HHEX: variants seen among roughly 807,000 people sequenced by gnomAD.
HHEX encodes hematopoietically-expressed homeobox protein HHEX.
Under a neutral mutation model 27.0 loss-of-function variants are expected in HHEX, and 8 were observed. The ratio of observed to expected loss-of-function variants is 0.30; its 90% CI spans 0.17 to 0.54. HHEX has a LOEUF of 0.54. HHEX is among the 20% of genes least tolerant of loss of function. The pLI is 0.95. For missense variants in HHEX, 326 were observed against 357.2 expected, an observed-to-expected ratio of 0.91 and a Z score of 0.70; for synonymous variants, 164 against 161.5, an observed-to-expected ratio of 1.02 and a Z score of -0.12.
At chr10:92,693,201 G>A (rs570079121) in intron 3 of HHEX, among the ~76,000 whole-genome samples, 2 of 152,264 alleles carry the variant, frequency 1.3e-5, no homozygotes, top group East Asian at 3.9e-4. Flanking sequence ...CTGTTTTTTA[G>A]AAGAATTAAA....
chr10:92,694,717 T>G lies in HHEX; in HGVS notation c.762T>G (p.Ser254=). ...TTGAATCAGAGATTTCAGAGGATTC[T>G]GATCAGGAAGTGGACATTGAGGGCG... ...EDLESEISED[S]DQEVDIEGDK... Residue 254 remains serine (S), a synonymous_variant, in exon 4 of 4, where the codon TCT becomes TCG. Transcript: ENST00000282728. 6.2e-7 allele frequency: 1 copy of G among 1,614,176 alleles called. No homozygotes were observed. Among genetic ancestry groups the G allele is most frequent in the Non-Finnish European group, 8.5e-7 (1 of 1,180,010 alleles).
rs1295183202 is a variant in HHEX, at chr10:92,692,378, A to G, written c.372A>G (p.Leu124=). Residue 124 remains leucine, a synonymous_variant, in exon 2 of 4, where the codon CTA becomes CTG. Coordinates refer to ENST00000282728, the MANE Select transcript of HHEX (RefSeq NM_002729.5). ...LLRHDPLGKP[L]LWSPFLQRPL... ...TCTTCCCGCTCGCAGGCAAACCTCT[A>G]CTCTGGAGCCCCTTCTTGCAGAGGC... 2 of 1,612,828 alleles carry G rather than the reference A, an allele frequency of 1.2e-6. No homozygotes were observed. The highest frequency in any genetic ancestry group is 1.3e-5 in the African/African-American group (1 of 74,684).
Position 92,690,143 on chromosome 10 carries a change from TCCC to T in HHEX, c.160_162del (p.Pro54del), listed in dbSNP as rs900748318. The stretch of plus-strand genomic sequence containing the variant: ...GCCCACGCCCGCCCCCACGCTGCCG[TCCC>T]CCAACTCCTCCTTCACCAGCCTCGT... On this transcript the variant is annotated inframe_deletion, in exon 1 of 4. Coordinates refer to ENST00000282728, the MANE Select transcript of HHEX (RefSeq NM_002729.5). 1 of 1,547,126 alleles carries T rather than the reference TCCC, an allele frequency of 6.5e-7. No individual in the cohort carries two copies. The highest frequency in any genetic ancestry group is 1.4e-5 in the African/African-American group (1 of 72,392).
intron 3 of HHEX, among the ~76,000 whole-genome samples, chr10:92,693,518 T>C (rs1845376855): frequency 6.6e-6 from 1 of 152,200 alleles, no homozygotes; most frequent in South Asian, 2.1e-4. Context: ...ATAAATACTT[T>C]GAAACAATGA....
In HHEX at chr10:92,694,787, T is replaced by C. The variant is rs1229599660; in HGVS notation, c.*19T>C. 6.4e-7 allele frequency: 1 copy of C among 1,553,830 alleles called. No homozygotes were observed. The highest frequency in any genetic ancestry group is 8.9e-7 in the Non-Finnish European group (1 of 1,126,780). ...TGGATGATGACCACTGGCATTGGCA[T>C]GTTCAGAAAACTGGATTTAGGAATA... On this transcript the variant is annotated 3_prime_UTR_variant, in exon 4 of 4. Transcript: ENST00000282728.
intron 2 of HHEX, 44 bp downstream of exon 2, chr10:92,692,590 G>A: frequency 1.9e-6 from 3 of 1,610,794 alleles, no homozygotes; most frequent in Non-Finnish European, 2.5e-6. Flanking sequence ...GGAAGGGAAG[G>A]CTTCTGGGGT....
chr10:92,694,959 A>G lies in HHEX; in HGVS notation c.*191A>G. On this transcript the variant is annotated 3_prime_UTR_variant, in exon 4 of 4. Transcript: ENST00000282728. ...TGGAGACCTTAATTTTGACTTAACAAATAGTTTATGTACTGCTCTTAGGTT... is the reference window on the plus strand; with the variant it reads ...TGGAGACCTTAATTTTGACTTAACAGATAGTTTATGTACTGCTCTTAGGTT... 1 of 588,256 alleles carries G rather than the reference A, an allele frequency of 1.7e-6. No homozygotes were observed. The highest frequency in any genetic ancestry group is 3.0e-6 in the Non-Finnish European group (1 of 331,720). 36.4% of individuals were successfully genotyped at this position (588,256 alleles called of 1,614,324 possible). A position where few individuals can be genotyped will look rare whatever the true frequency, so the allele number is the denominator to read the frequency against.
Position 92,692,454 on chromosome 10 carries a change from A to G in HHEX, c.448A>G (p.Ile150Val), listed in dbSNP as rs777779960. ...GGTGAGATTCTCCAACGACCAGACC[A>G]TCGAGCTGGAGAAGAAATTCGAGAC... ...GQVRFSNDQT[I>V]ELEKKFETQK... is the part of the protein sequence containing the mutation. Residue 150 changes from isoleucine (I) to valine (V), a missense_variant, in exon 2 of 4, where the codon ATC becomes GTC. Ile to Val is a conservative substitution (Grantham distance 29, BLOSUM62 3). Transcript: ENST00000282728. 1.4e-5 allele frequency: 22 copies of G among 1,613,960 alleles called. No homozygotes were observed. In the Middle Eastern group the frequency reaches 4.9e-4, roughly 36 times the overall value.
At chr10:92,692,832 CA>C in intron 3 of HHEX, 80 bp downstream of exon 3, 1 of 1,179,344 alleles carries the variant, frequency 8.5e-7, no homozygotes, top group Admixed American at 1.7e-5. Flanking sequence ...GGGTTGTATG[CA>C]AAAGTCATTT....
In HHEX at chr10:92,692,495, T is replaced by C. The variant is rs766838272; in HGVS notation, c.489T>C (p.Ser163=). 1 of 1,613,916 alleles carries C rather than the reference T, an allele frequency of 6.2e-7. No homozygotes were observed. The highest frequency in any genetic ancestry group is 8.5e-7 in the Non-Finnish European group (1 of 1,179,952). The change falls in exon 2 of 4, where the codon TCT becomes TCC. Residue 163 remains serine, a synonymous_variant. Coordinates refer to ENST00000282728, the MANE Select transcript of HHEX (RefSeq NM_002729.5). ...EKKFETQKYL[S]PPERKRLAKM... ...AATTCGAGACGCAGAAATATCTCTC[T>C]CCGCCCGAGAGGAAGCGTCTGGCCA... is the stretch of plus-strand genomic sequence containing the variant.
In HHEX at chr10:92,694,638, G is replaced by A. The variant is rs1468837966; in HGVS notation, c.683G>A (p.Gly228Asp). 1.2e-6 allele frequency: 2 copies of A among 1,614,064 alleles called. No individual in the cohort carries two copies. Among genetic ancestry groups the A allele is most frequent in the Non-Finnish European group, 1.7e-6 (2 of 1,179,970 alleles). The change falls in exon 4 of 4, where the codon GGT becomes GAT. Residue 228 changes from glycine to aspartate, a missense_variant. By Grantham distance (94) the Gly-to-Asp change is moderately conservative (BLOSUM62 -1). Transcript: ENST00000282728. The part of the protein sequence containing the change: ...RQDLPSEQNK[G>D]ASLDSSQCSP... Reference sequence around the variant, plus strand: ...GATTTGCCCAGTGAACAGAATAAAGGTGCTTCTTTGGATAGCTCTCAATGT... The same window carrying A: ...GATTTGCCCAGTGAACAGAATAAAGATGCTTCTTTGGATAGCTCTCAATGT...
chr10:92,693,234 T>G (rs903619755), intron 3 of HHEX, among the ~76,000 whole-genome samples: 1 of 152,234 alleles, frequency 6.6e-6, no homozygotes, highest in Non-Finnish European at 1.5e-5. Flanking sequence ...TAAAAATTAT[T>G]TTCTATCTAA....
chr10:92,692,313 G>T, intron 1 of HHEX, 55 bp from the exon 2 acceptor site: 6 of 1,583,286 alleles, frequency 3.8e-6, no homozygotes, highest in Non-Finnish European at 5.2e-6. Flanking sequence ...ACAGCTCTGG[G>T]GTCTGGCCAG....
In HHEX at chr10:92,690,191, G is replaced by C; in HGVS notation, c.205G>C (p.Val69Leu). 1 of 1,571,368 alleles carries C rather than the reference G, an allele frequency of 6.4e-7. No homozygotes were observed. The highest frequency in any genetic ancestry group is 2.4e-5 in the East Asian group (1 of 42,382). Residue 69 changes from valine to leucine, a missense_variant, in exon 1 of 4, where the codon GTG becomes CTG. Val to Leu is a conservative substitution (Grantham distance 32). Around this residue, in one of 4 missense-constraint regions of HHEX, gnomAD observed 215 missense variants for 196.4 expected, o/e 1.09. Coordinates refer to ENST00000282728, the MANE Select transcript of HHEX (RefSeq NM_002729.5). ...CCTCGTGTCCCCCTACCGGACCCCG[G>C]TGTACGAGCCCACGCCGATCCATCC... is the stretch of plus-strand genomic sequence containing the variant. ...TSLVSPYRTP[V>L]YEPTPIHPAF...
Position 92,690,280 on chromosome 10 carries a change from C to A in HHEX, c.294C>A (p.Gly98=). 3.9e-6 allele frequency: 6 copies of A among 1,550,232 alleles called. No homozygotes were observed. Among genetic ancestry groups the A allele is most frequent in the Non-Finnish European group, 4.4e-6 (5 of 1,147,340 alleles). ...CCTACGGACCCGGCGGCTTCGGGGGCCCTCTGTACCCCTTCCCGCGGACGG... is the reference window on the plus strand; with the variant it reads ...CCTACGGACCCGGCGGCTTCGGGGGACCTCTGTACCCCTTCCCGCGGACGG... ...AAAYGPGGFG[G]PLYPFPRTVN... The change falls in exon 1 of 4, where the codon GGC becomes GGA. Residue 98 remains glycine (G), a synonymous_variant. Coordinates refer to ENST00000282728, the MANE Select transcript of HHEX (RefSeq NM_002729.5).
chr10:92,690,598 G>A (rs1845344013), intron 1 of HHEX, among the ~76,000 whole-genome samples: 1 of 152,190 alleles, frequency 6.6e-6, no homozygotes, highest in Non-Finnish European at 1.5e-5. Context: ...GGCGAGGGCA[G>A]CCGTGGACCG....
rs575542303 is a variant in HHEX, at chr10:92,691,305, T to C, written c.361+958T>C. ...CGTGGTCCGCGCTGTGGGTGACCCT[T>C]GGCGCCTTCGAGGTCTGGAGCCCTA... On this transcript the variant is annotated intron_variant, in intron 1 of 3. Transcript: ENST00000282728. 4.0e-4 allele frequency among the ~76,000 whole-genome samples: 61 copies of C among 152,278 alleles called. No homozygotes were observed. The East Asian group carries it at 0.011, about 27-fold the overall frequency.
In HHEX at chr10:92,692,512, G is replaced by A; in HGVS notation, c.506G>A (p.Arg169His). 6.2e-7 allele frequency: 1 copy of A among 1,613,942 alleles called. No individual in the cohort carries two copies. Among genetic ancestry groups the A allele is most frequent in the Non-Finnish European group, 8.5e-7 (1 of 1,179,950 alleles). ...TATCTCTCTCCGCCCGAGAGGAAGC[G>A]TCTGGCCAAGATGCTGCAGCTCAGC... ...QKYLSPPERK[R>H]LAKMLQLSER... The change falls in exon 2 of 4, where the codon CGT becomes CAT. Residue 169 changes from arginine to histidine, a missense_variant. Arg to His is a conservative substitution (Grantham distance 29, BLOSUM62 0). Around this residue, in one of 4 missense-constraint regions of HHEX, gnomAD observed 40 missense variants for 54.9 expected, o/e 0.73. Coordinates refer to ENST00000282728, the MANE Select transcript of HHEX (RefSeq NM_002729.5).
chr10:92,690,064 C>A lies in HHEX; in HGVS notation c.78C>A (p.Pro26=). Residue 26 remains proline, a synonymous_variant, in exon 1 of 4, where the codon CCC becomes CCA. Transcript: ENST00000282728. ...ACGCGCCCACGCCGCTGCTGCAACCCGCACACCCGACGCCCTTTTACATCG... is the reference window on the plus strand; with the variant it reads ...ACGCGCCCACGCCGCTGCTGCAACCAGCACACCCGACGCCCTTTTACATCG... ...PLYAPTPLLQ[P]AHPTPFYIED... 2 of 1,543,502 alleles carry A rather than the reference C, an allele frequency of 1.3e-6. No individual in the cohort carries two copies. The highest frequency in any genetic ancestry group is 1.4e-5 in the African/African-American group (1 of 72,252).
Sources: gnomAD v4.1 joint callset for allele counts (sites outside exome capture counted in the v4.1 genomes callset) on GRCh38, gnomAD v4.1.1 for gene constraint, gnomAD v4.1.1 regional missense constraint, MANE v1.5 for transcripts, NCBI Gene and HGNC (gene_info 2026-07-23, HGNC 2026-07-21) for gene names.